DPYSL3: variants seen among roughly 807,000 people sequenced by gnomAD.
The protein encoded by DPYSL3 is dihydropyrimidinase like 3.
In DPYSL3, 16 loss-of-function variants were observed where a neutral mutation model predicts 66.1. That is an observed-to-expected ratio of 0.24 (90% CI 0.16 to 0.37). DPYSL3 has a LOEUF of 0.37. DPYSL3 is among the 10% of genes least tolerant of loss of function. The pLI, the probability that DPYSL3 is intolerant of heterozygous loss-of-function variation, is 1.00. For missense variants in DPYSL3, 738 were observed against 916.2 expected, an observed-to-expected ratio of 0.81 and a Z score of 2.51; for synonymous variants, 338 against 345.1, an observed-to-expected ratio of 0.98 and a Z score of 0.23.
chr5:147,433,022 T>C (rs144702294), intron 1 of DPYSL3, among the ~76,000 whole-genome samples: 50 of 152,336 alleles, frequency 3.3e-4, no homozygotes, highest in African/African-American at 1.2e-3. Context: ...CGGAGACTTT[T>C]TCCTTGATCT....
At chr5:147,507,032 TAC>T in intron 1 of DPYSL3, among the ~76,000 whole-genome samples, 1 of 152,310 alleles carries the variant, frequency 6.6e-6, no homozygotes, top group East Asian at 1.9e-4. Flanking sequence ...ATTTGCCACA[TAC>T]TATACACAGA....
intron 1 of DPYSL3, among the ~76,000 whole-genome samples, chr5:147,444,236 G>C (rs1258475763): frequency 6.6e-6 from 1 of 152,060 alleles, no homozygotes; most frequent in Non-Finnish European, 1.5e-5. Context: ...CATCATTTAA[G>C]CCTTGTGTGA....
At chr5:147,495,204 T>G (rs879197658) in intron 1 of DPYSL3, among the ~76,000 whole-genome samples, 2 of 152,170 alleles carry the variant, frequency 1.3e-5, no homozygotes, top group Admixed American at 1.3e-4. Flanking sequence ...GCTCCTTCTC[T>G]GAGACCAGCA....
Position 147,439,141 on chromosome 5 carries a change from C to T in DPYSL3, c.382-14178G>A, listed in dbSNP as rs560288258. On this transcript the variant is annotated intron_variant, in intron 1 of 13. Coordinates refer to ENST00000343218, the MANE Select transcript of DPYSL3 (RefSeq NM_001197294.2). ...TTGTAAATGCCTCCTGTTCACAGTA[C>T]TATTGATACAATAGTGAACAAAATA... Among the ~76,000 whole-genome samples, 30 of 152,266 alleles carry T rather than the reference C, an allele frequency of 2.0e-4. No individual in the cohort carries two copies. In the South Asian group the frequency reaches 3.9e-3, roughly 20 times the overall value.
intron 1 of DPYSL3, among the ~76,000 whole-genome samples, chr5:147,506,081 T>C (rs1753682069): frequency 6.6e-6 from 1 of 152,188 alleles, no homozygotes; most frequent in Admixed American, 6.5e-5. Context: ...GAGCACTATT[T>C]AGTATAGGCA....
chr5:147,435,782 G>C (rs574141607), intron 1 of DPYSL3, among the ~76,000 whole-genome samples: 40 of 152,288 alleles, frequency 2.6e-4, no homozygotes, highest in African/African-American at 9.1e-4. Flanking sequence ...GCAGGAAACA[G>C]ATAAAATTAT....
intron 1 of DPYSL3, among the ~76,000 whole-genome samples, chr5:147,451,075 C>CTA (rs1269039458): frequency 1.3e-5 from 2 of 152,188 alleles, no homozygotes; most frequent in Non-Finnish European, 2.9e-5. Context: ...CTATAATCTT[C>CTA]TATAGACATG....
At chr5:147,403,603 A>G (rs1230783336) in intron 8 of DPYSL3, among the ~76,000 whole-genome samples, 1 of 152,190 alleles carries the variant, frequency 6.6e-6, no homozygotes, top group African/African-American at 2.4e-5. Flanking sequence ...GCTGTTCCTC[A>G]TTAAATTGTA....
At chr5:147,455,980 T>C (rs1228242684) in intron 1 of DPYSL3, among the ~76,000 whole-genome samples, 1 of 152,080 alleles carries the variant, frequency 6.6e-6, no homozygotes, top group African/African-American at 2.4e-5. Flanking sequence ...GAGGTCAGGT[T>C]TGCATGCAAG....
intron 1 of DPYSL3, among the ~76,000 whole-genome samples, chr5:147,476,066 TA>T (rs896701599): frequency 2.0e-5 from 3 of 152,292 alleles, no homozygotes; most frequent in African/African-American, 7.2e-5. Context: ...AACTGAGGCA[TA>T]ATGATTATGT....
At chr5:147,508,386 T>C (rs902621993) in intron 1 of DPYSL3, among the ~76,000 whole-genome samples, 11 of 152,232 alleles carry the variant, frequency 7.2e-5, no homozygotes, top group African/African-American at 2.4e-4. Context: ...GTAATTGCTC[T>C]GAGGCAGACA....
intron 2 of DPYSL3, among the ~76,000 whole-genome samples, chr5:147,419,475 T>C (rs1243176310): frequency 6.6e-6 from 1 of 152,226 alleles, no homozygotes; most frequent in African/African-American, 2.4e-5. Flanking sequence ...ATGCTGCTTA[T>C]AGATCAGCCA....
At chr5:147,474,999 T>G (rs1408374206) in intron 1 of DPYSL3, among the ~76,000 whole-genome samples, 1 of 152,034 alleles carries the variant, frequency 6.6e-6, no homozygotes, top group Non-Finnish European at 1.5e-5. Flanking sequence ...TATTACTGGT[T>G]GGAATGAAAC....
intron 1 of DPYSL3, among the ~76,000 whole-genome samples, chr5:147,498,052 C>T (rs1033475734): frequency 6.6e-6 from 1 of 151,638 alleles, no homozygotes; most frequent in African/African-American, 2.4e-5. Context: ...GCCTAGTACT[C>T]ATTAGTTATC....
intron 1 of DPYSL3, among the ~76,000 whole-genome samples, chr5:147,471,968 G>A (rs763382773): frequency 6.6e-5 from 10 of 152,108 alleles, no homozygotes; most frequent in South Asian, 4.2e-4. Flanking sequence ...TTTCTGTCTC[G>A]GGTTGTCTGT....
At chr5:147,488,795 A>T (rs1753373289) in intron 1 of DPYSL3, among the ~76,000 whole-genome samples, 1 of 151,804 alleles carries the variant, frequency 6.6e-6, no homozygotes, top group African/African-American at 2.4e-5. Context: ...TGTGTGGATC[A>T]CCTGAGGTCA....
intron 6 of DPYSL3, among the ~76,000 whole-genome samples, chr5:147,410,973 A>G (rs933376721): frequency 6.6e-6 from 1 of 152,190 alleles, no homozygotes; most frequent in Non-Finnish European, 1.5e-5. Flanking sequence ...AGGATTCACA[A>G]GAGGAAATAA....
chr5:147,453,734 C>CCTCCCGGG, intron 1 of DPYSL3: 1 of 1,314,678 alleles, frequency 7.6e-7, no homozygotes, highest in Non-Finnish European at 9.7e-7. Flanking sequence ...CCTCCGCCCC[C>CCTCCCGGG]CTCCCGGGCT....
At chr5:147,399,393 C>T (rs1219664766) in intron 10 of DPYSL3, 141 bp from the exon 11 acceptor site, 1 of 956,168 alleles carries the variant, frequency 1.0e-6, no homozygotes, top group Non-Finnish European at 1.5e-6. Context: ...GCTACAGAAC[C>T]TCACTCAGCA....
Sources: gnomAD v4.1 joint callset for allele counts (sites outside exome capture counted in the v4.1 genomes callset) on GRCh38, gnomAD v4.1.1 for gene constraint, MANE v1.5 for transcripts, NCBI Gene and HGNC (gene_info 2026-07-23, HGNC 2026-07-21) for gene names.